Variants in TET3 observed in about 807,000 individuals in gnomAD.
TET3 encodes the protein methylcytosine dioxygenase TET3.
A neutral mutation model predicts 141.4 loss-of-function variants in TET3; 19 were observed. The observed-to-expected ratio is 0.13, with a 90% confidence interval of 0.09 to 0.20. The LOEUF is 0.20. TET3 is among the 10% of genes least tolerant of loss of function. The probability of loss-of-function intolerance (pLI) is 1.00; values close to 1 mark genes in which losing one functional copy is unlikely to be tolerated. For missense variants in TET3, 1,874 were observed against 2,356.9 expected, an observed-to-expected ratio of 0.80 and a Z score of 4.24; for synonymous variants, 1,043 against 980.9, an observed-to-expected ratio of 1.06 and a Z score of -1.18.
At chr2:74,038,646 T>C (rs1044741832) in intron 3 of TET3, among the ~76,000 whole-genome samples, 1 of 152,142 alleles carries the variant, frequency 6.6e-6, no homozygotes, top group Non-Finnish European at 1.5e-5. Context: ...ATGGGTCATC[T>C]CAAAGTATAG....
chr2:74,089,516 C>G (rs558501017), intron 7 of TET3, among the ~76,000 whole-genome samples: 1 of 152,332 alleles, frequency 6.6e-6, no homozygotes, highest in South Asian at 2.1e-4. Flanking sequence ...CACGTTCAAA[C>G]CCTGGGGCTC....
chr2:74,071,819 G>C (rs1312546008), intron 4 of TET3, among the ~76,000 whole-genome samples: 2 of 152,148 alleles, frequency 1.3e-5, no homozygotes, highest in South Asian at 2.1e-4. Flanking sequence ...CCACATCACT[G>C]TTTTCCAAAG....
chr2:74,066,400 A>T (rs1688903671), intron 4 of TET3, among the ~76,000 whole-genome samples: 1 of 152,252 alleles, frequency 6.6e-6, no homozygotes, highest in Non-Finnish European at 1.5e-5. Context: ...GTGTATATAT[A>T]TATGTTACAC....
intron 4 of TET3, among the ~76,000 whole-genome samples, chr2:74,065,600 TTCCGTCCG>T (rs112413159): frequency 1.7e-3 from 222 of 130,946 alleles, no homozygotes; most frequent in African/African-American, 5.6e-3. Flanking sequence ...CCGTCCTTCC[TTCCGTCCG>T]TCCGTCCGTC....
chr2:74,098,960 T>C (rs1691005456), intron 10 of TET3, among the ~76,000 whole-genome samples: 1 of 152,220 alleles, frequency 6.6e-6, no homozygotes, highest in South Asian at 2.1e-4. Context: ...GTGGCGTCAG[T>C]GCTATGCCAG....
rs775450749 is a variant in TET3, at chr2:74,097,222, C to CACACACACAT, written c.3268-2050_3268-2041dup. Among the ~76,000 whole-genome samples the CACACACACAT allele has an allele frequency of 4.5e-3, 674 of 151,402 alleles. 4 individuals are homozygous for CACACACACAT. The highest frequency in any genetic ancestry group is 6.2e-3 in the Admixed American group (94 of 15,214). Reference sequence around the variant, plus strand: ...ACACACACACACACACACACACACACACACACACATACATTCAAATGTCTG... The same window carrying CACACACACAT: ...ACACACACACACACACACACACACACACACACACATACACACACATACATTCAAATGTCTG... On this transcript the variant is annotated intron_variant, in intron 10 of 11. Coordinates refer to ENST00000409262, the MANE Select transcript of TET3 (RefSeq NM_001287491.2).
In TET3 at chr2:74,087,947, C is replaced by A; in HGVS notation, c.2797C>A (p.Arg933Ser). The part of the protein sequence containing the change: ...ILILAWEGIP[R>S]SLGDTLYQEL... Reference sequence around the variant, plus strand: ...CATCCTGGCCTGGGAGGGCATTCCCCGTAGCCTCGGAGACACCCTCTACCA... The same window carrying A: ...CATCCTGGCCTGGGAGGGCATTCCCAGTAGCCTCGGAGACACCCTCTACCA... The change falls in exon 7 of 12, where the codon CGT (arginine) becomes AGT (serine). Residue 933 changes from arginine (R) to serine (S), a missense_variant. Around this residue, in one of 10 missense-constraint regions of TET3, gnomAD observed 126 missense variants for 327.4 expected, o/e 0.38. Coordinates refer to ENST00000409262, the MANE Select transcript of TET3 (RefSeq NM_001287491.2). The surrounding 1 kb of genome is among the most constrained non-coding windows in gnomAD (Gnocchi z 4.3). 1 of 1,554,238 alleles carries A rather than the reference C, an allele frequency of 6.4e-7. No homozygotes were observed. The highest frequency in any genetic ancestry group is 1.4e-5 in the African/African-American group (1 of 73,222).
chr2:74,116,352 C>G, the TET3 span, among the ~76,000 whole-genome samples: 4 of 152,110 alleles, frequency 2.6e-5, no homozygotes, highest in South Asian at 2.1e-4. Flanking sequence ...AATCCCACTA[C>G]TGGGCATTTA....
chr2:74,066,047 G>A (rs146572803), intron 4 of TET3, among the ~76,000 whole-genome samples: 24 of 152,258 alleles, frequency 1.6e-4, no homozygotes, highest in African/African-American at 5.5e-4. Flanking sequence ...GTGAGCCACC[G>A]CGCCTGGCCC....
At chr2:74,061,501 C>T (rs1341054641) in intron 4 of TET3, among the ~76,000 whole-genome samples, 1 of 147,556 alleles carries the variant, frequency 6.8e-6, no homozygotes, top group Non-Finnish European at 1.5e-5. Context: ...GACGGGGCGG[C>T]TGGCTGGGCA....
intron 2 of TET3, among the ~76,000 whole-genome samples, chr2:73,988,914 C>CT (rs58533695): frequency 0.022 from 2,667 of 122,414 alleles, 37 homozygotes; most frequent in African/African-American, 0.049. Context: ...GAAATTAGAC[C>CT]TTTTTTTTTT....
At chr2:74,078,978 T>C (rs185910216) in intron 5 of TET3, among the ~76,000 whole-genome samples, 111 of 152,370 alleles carry the variant, frequency 7.3e-4, no homozygotes, top group African/African-American at 2.6e-3. Context: ...GTTAGCCAGT[T>C]TCATGCTCAG....
intron 3 of TET3, among the ~76,000 whole-genome samples, chr2:74,007,237 A>G (rs554344922): frequency 6.6e-6 from 1 of 152,344 alleles, no homozygotes; most frequent in African/African-American, 2.4e-5. Flanking sequence ...GAACTTGCAC[A>G]TGGCAGACAG....
intron 3 of TET3, among the ~76,000 whole-genome samples, chr2:74,045,456 A>G (rs181260031): frequency 8.3e-4 from 126 of 152,238 alleles, no homozygotes; most frequent in African/African-American, 2.8e-3. Flanking sequence ...TGCAAACTCA[A>G]TTTCACATCT....
intron 3 of TET3, among the ~76,000 whole-genome samples, chr2:74,045,735 T>G (rs1389917416): frequency 6.6e-6 from 1 of 152,146 alleles, no homozygotes; most frequent in Non-Finnish European, 1.5e-5. Context: ...GAGGACAGTT[T>G]TAGGGGGAGA....
At chr2:74,098,958 A>C (rs1019819756) in intron 10 of TET3, among the ~76,000 whole-genome samples, 9 of 152,244 alleles carry the variant, frequency 5.9e-5, no homozygotes, top group Non-Finnish European at 1.3e-4. Flanking sequence ...CTGTGGCGTC[A>C]GTGCTATGCC....
chr2:74,009,749 T>A (rs1685328560), intron 3 of TET3, among the ~76,000 whole-genome samples: 1 of 152,204 alleles, frequency 6.6e-6, no homozygotes, highest in Admixed American at 6.5e-5. Context: ...ACATGCTTTG[T>A]GAAGCATGGG....
intron 8 of TET3, among the ~76,000 whole-genome samples, chr2:74,091,489 T>G (rs937741180): frequency 6.6e-6 from 1 of 152,222 alleles, no homozygotes. Context: ...TAGTTCATGG[T>G]GAAGGCAGGT....
At chr2:74,110,104 A>G (rs1457241920), downstream of TET3, among the ~76,000 whole-genome samples, 1 of 152,210 alleles carries the variant, frequency 6.6e-6, no homozygotes, top group African/African-American at 2.4e-5. Flanking sequence ...TACTCTTGAC[A>G]TATGCAAAGC....
Sources: allele counts gnomAD v4.1 joint callset (sites outside exome capture counted in the v4.1 genomes callset), GRCh38; gene constraint gnomAD v4.1.1; regional missense constraint gnomAD v4.1.1; non-coding constraint Gnocchi (gnomAD v3.1); transcripts MANE v1.5; gene names NCBI Gene and HGNC (gene_info 2026-07-23, HGNC 2026-07-21).